Variants in RBFOX1 observed in about 807,000 individuals in gnomAD.
RBFOX1 encodes the protein RNA binding protein fox-1 homolog 1.
Under a neutral mutation model 57.7 loss-of-function variants are expected in RBFOX1, and 8 were observed. The observed-to-expected ratio is 0.14, with a 90% CI of 0.08 to 0.25. The LOEUF (loss-of-function observed/expected upper bound fraction) is 0.25. Ranked by LOEUF, RBFOX1 falls within the 10% of genes least tolerant of loss-of-function variation. The pLI is 1.00. For synonymous variants in RBFOX1, 326 were observed against 222.4 expected (o/e 1.47, Z -4.15); for missense variants, 611 against 548.5 (o/e 1.11, Z -1.14).
At chr16:5,508,681 CTGCACAGAGCGAT>C (rs905685533) in intron 2 of RBFOX1, among the ~76,000 whole-genome samples, 3 of 151,742 alleles carry the variant, frequency 2.0e-5, no homozygotes, top group Non-Finnish European at 4.4e-5. Context: ...GTGGGGAGGA[CTGCACAGAGCGAT>C]TGCACAGAGT....
intron 1 of RBFOX1, among the ~76,000 whole-genome samples, chr16:5,294,931 G>A (rs374893696): frequency 6.7e-6 from 1 of 149,858 alleles, no homozygotes; most frequent in Non-Finnish European, 1.5e-5. Context: ...TCAGGAGGCT[G>A]AGGCTGGAGA....
intron 4 of RBFOX1, among the ~76,000 whole-genome samples, chr16:7,299,899 T>G (rs751118316): frequency 6.6e-6 from 1 of 152,238 alleles, no homozygotes; most frequent in Non-Finnish European, 1.5e-5. Context: ...AATTATGTTT[T>G]CGACATAGGA....
At chr16:6,419,776 GAGC>G (rs2093724499) in intron 2 of RBFOX1, among the ~76,000 whole-genome samples, 1 of 152,098 alleles carries the variant, frequency 6.6e-6, no homozygotes, top group Admixed American at 6.6e-5. Context: ...TTGCCTTGCT[GAGC>G]TTTTAAAACT....
chr16:7,691,144 C>G (rs775991540), intron 14 of RBFOX1, among the ~76,000 whole-genome samples: 7 of 151,898 alleles, frequency 4.6e-5, no homozygotes, highest in Non-Finnish European at 7.4e-5. Flanking sequence ...AGAATGGATA[C>G]GTCAAAAAAA....
chr16:7,138,025 A>G (rs1317727712), intron 4 of RBFOX1, among the ~76,000 whole-genome samples: 1 of 152,214 alleles, frequency 6.6e-6, no homozygotes, highest in African/African-American at 2.4e-5. Flanking sequence ...CCGAGGTGAC[A>G]CAGCAGAGGA....
chr16:6,336,434 G>T (rs1207557825), intron 2 of RBFOX1, among the ~76,000 whole-genome samples: 2 of 151,612 alleles, frequency 1.3e-5, no homozygotes, highest in African/African-American at 2.4e-5. Context: ...GGACCCTATG[G>T]CTCTGAGAAG....
intron 3 of RBFOX1, among the ~76,000 whole-genome samples, chr16:6,821,194 G>T (rs1382433858): frequency 6.6e-6 from 1 of 152,002 alleles, no homozygotes; most frequent in South Asian, 2.1e-4. Flanking sequence ...TCCTGGATTT[G>T]GCTAGAAGTC....
In RBFOX1 at chr16:7,480,420, G is replaced by C. The variant is rs17143777; in HGVS notation, c.28-37727G>C. On this transcript the variant is annotated intron_variant, in intron 4 of 15. Coordinates refer to ENST00000550418, the MANE Select transcript of RBFOX1 (RefSeq NM_018723.4). Reference sequence around the variant, plus strand: ...ATAGTAGCTGCTCAGAAAATTTCTCGTTTCCACAAATGAGAAAGTGAATGC... The same window carrying C: ...ATAGTAGCTGCTCAGAAAATTTCTCCTTTCCACAAATGAGAAAGTGAATGC... Among the ~76,000 whole-genome samples the C allele has an allele frequency of 9.9e-3, 1,510 of 152,234 alleles. 34 individuals are homozygous for C. Among genetic ancestry groups the C allele is most frequent in the African/African-American group, 0.033 (1,388 of 41,538 alleles).
intron 2 of RBFOX1, among the ~76,000 whole-genome samples, chr16:6,400,834 G>A: frequency 6.6e-6 from 1 of 152,200 alleles, no homozygotes; most frequent in Non-Finnish European, 1.5e-5. Context: ...GGCAGAGGTT[G>A]CAGTGAGCTG....
At chr16:5,692,160 A>T in intron 3 of RBFOX1, among the ~76,000 whole-genome samples, 1 of 137,946 alleles carries the variant, frequency 7.2e-6, no homozygotes, top group Non-Finnish European at 1.5e-5. Flanking sequence ...CATAATAGGG[A>T]CTGACTGTGT....
In RBFOX1 at chr16:6,965,136, G is replaced by C. The variant is rs147973210; in HGVS notation, c.-15-86921G>C. Among the ~76,000 whole-genome samples, 852 of 152,132 alleles carry C rather than the reference G, an allele frequency of 5.6e-3. 7 individuals carry two copies. Among genetic ancestry groups the C allele is most frequent in the African/African-American group, 0.019 (796 of 41,492 alleles). On this transcript the variant is annotated intron_variant, in intron 3 of 15. Transcript: ENST00000550418. ...TCTAGACTCTGCCTCCATGGTTCTCGGGGCCAAGGGCAACTGTACTGCTGC... is the reference window on the plus strand; with the variant it reads ...TCTAGACTCTGCCTCCATGGTTCTCCGGGCCAAGGGCAACTGTACTGCTGC...
At chr16:7,190,234 C>G (rs368440196) in intron 4 of RBFOX1, among the ~76,000 whole-genome samples, 179 of 152,220 alleles carry the variant, frequency 1.2e-3, no homozygotes, top group African/African-American at 3.9e-3. Flanking sequence ...GGTGGCACAC[C>G]TGTAATCCCA....
In RBFOX1 at chr16:7,657,810, A is replaced by C. The variant is rs77970754; in HGVS notation, c.890+3863A>C. 9.9e-5 allele frequency among the ~76,000 whole-genome samples: 15 copies of C among 152,220 alleles called. No homozygotes were observed. The East Asian group carries it at 2.9e-3, about 29-fold the overall frequency. On this transcript the variant is annotated intron_variant, in intron 12 of 15. Coordinates refer to ENST00000550418, the MANE Select transcript of RBFOX1 (RefSeq NM_018723.4). The stretch of plus-strand genomic sequence containing the variant: ...GGACCATGGTGGGATCATAGGTACA[A>C]GTGGAAAACCCTGTACCAAACCAAC...
intron 3 of RBFOX1, among the ~76,000 whole-genome samples, chr16:6,902,922 C>T (rs531961691): frequency 6.6e-6 from 1 of 152,260 alleles, no homozygotes; most frequent in South Asian, 2.1e-4. Context: ...GATGTAGATT[C>T]TACTCTTTAC....
chr16:6,591,182 A>G (rs113171513), intron 2 of RBFOX1, among the ~76,000 whole-genome samples: 7 of 152,336 alleles, frequency 4.6e-5, no homozygotes, highest in African/African-American at 1.7e-4. Context: ...GTGGCTGCTC[A>G]TGCCTGTAAT....
intron 3 of RBFOX1, chr16:6,704,003 T>G (rs538397610): frequency 7.2e-5 from 11 of 152,576 alleles, no homozygotes; most frequent in African/African-American, 2.2e-4. Context: ...TCTGTGTCTC[T>G]CTCCTCTGAC....
chr16:5,997,041 A>C (rs1355422262), intron 4 of RBFOX1, among the ~76,000 whole-genome samples: 2 of 143,150 alleles, frequency 1.4e-5, no homozygotes, highest in East Asian at 4.3e-4. Context: ...TCCATTGTCC[A>C]AACTCACCAG....
rs1010750219 is a variant in RBFOX1, at chr16:6,366,244, T to C, written c.-64+49187T>C. 2.6e-5 allele frequency among the ~76,000 whole-genome samples: 4 copies of C among 152,288 alleles called. No individual in the cohort carries two copies. The East Asian group carries it at 7.7e-4, about 29-fold the overall frequency. On this transcript the variant is annotated intron_variant, in intron 2 of 15. Coordinates refer to ENST00000550418, the MANE Select transcript of RBFOX1 (RefSeq NM_018723.4). ...TGGAAGATATATGTCTTGATATGTATATCTGGAAGGTATATATCTTGTTTT... is the reference window on the plus strand; with the variant it reads ...TGGAAGATATATGTCTTGATATGTACATCTGGAAGGTATATATCTTGTTTT...
chr16:7,511,057 A>G (rs576033648), intron 4 of RBFOX1, among the ~76,000 whole-genome samples: 3 of 152,208 alleles, frequency 2.0e-5, no homozygotes, highest in Non-Finnish European at 4.4e-5. Flanking sequence ...GTGAGTGTGC[A>G]CACACACATA....
Sources: allele counts gnomAD v4.1 joint callset (sites outside exome capture counted in the v4.1 genomes callset), GRCh38; gene constraint gnomAD v4.1.1; transcripts MANE v1.5; gene names NCBI Gene and HGNC (gene_info 2026-07-23, HGNC 2026-07-21).